Variants in ZFP64 observed in about 807,000 individuals in gnomAD.
The protein encoded by ZFP64 is zinc finger protein 64.
A neutral mutation model predicts 51.6 loss-of-function variants in ZFP64; 14 were observed. That is an observed-to-expected ratio of 0.27 (90% CI 0.18 to 0.42). The LOEUF (loss-of-function observed/expected upper bound fraction) is 0.42, where lower values mean the gene tolerates loss of function less well. Among genes scored for constraint, ZFP64 ranks in the 10% least tolerant of loss-of-function variants. The pLI, the probability that ZFP64 is intolerant of heterozygous loss-of-function variation, is 1.00. For missense variants in ZFP64, 754 were observed against 906.8 expected, an observed-to-expected ratio of 0.83 and a Z score of 2.16; for synonymous variants, 375 against 361.4, an observed-to-expected ratio of 1.04 and a Z score of -0.43.
intron 5 of ZFP64, among the ~76,000 whole-genome samples, chr20:52,118,734 A>G (rs1291967735): frequency 6.6e-6 from 1 of 152,264 alleles, no homozygotes; most frequent in Non-Finnish European, 1.5e-5. Flanking sequence ...GTAAACAGCT[A>G]TAGTACAGTG....
chr20:52,126,434 A>G (rs1194841184), intron 5 of ZFP64, among the ~76,000 whole-genome samples: 1 of 152,166 alleles, frequency 6.6e-6, no homozygotes, highest in Non-Finnish European at 1.5e-5. Context: ...GGGCCTGTTT[A>G]AAACTACAAC....
intron 7 of ZFP64, among the ~76,000 whole-genome samples, chr20:52,093,576 A>C (rs1239531936): frequency 6.6e-6 from 1 of 152,252 alleles, no homozygotes; most frequent in African/African-American, 2.4e-5. Flanking sequence ...TAGGCAATAA[A>C]CCACACTAGT....
At chr20:52,115,814 A>G (rs1044297882) in intron 5 of ZFP64, among the ~76,000 whole-genome samples, 2 of 148,614 alleles carry the variant, frequency 1.3e-5, no homozygotes, top group African/African-American at 2.5e-5. Context: ...TGTGTGTGTG[A>G]ACATTATGCA....
rs761194511 is a variant in ZFP64 at position 52,151,645 on chromosome 20, G to A, written c.*501C>T. The stretch of plus-strand genomic sequence containing the variant: ...GATTCTACAACAGTTATAATGCGAC[G>A]ATTCAGAGGTGGTCTCAAAGTTGTT... On this transcript the variant is annotated 3_prime_UTR_variant, in exon 6 of 6. Coordinates refer to ENST00000216923, the MANE Select transcript of ZFP64 (RefSeq NM_018197.3). 4 of 988,654 alleles carry A rather than the reference G, an allele frequency of 4.0e-6. No homozygotes were observed. Among genetic ancestry groups the A allele is most frequent in the African/African-American group, 1.7e-5 (1 of 57,198 alleles). 61.2% of individuals were successfully genotyped at this position (988,654 alleles called of 1,614,324 possible).
Position 52,160,105 on chromosome 20 carries a change from A to G in ZFP64, c.763+18T>C, listed in dbSNP as rs762738616. On this transcript the variant is annotated intron_variant, in intron 5 of 5. Transcript: ENST00000216923. This position sits in a 1 kb window ranked among gnomAD's most constrained non-coding sequence, Gnocchi z 4.2. ...AGAAAGTGAGGAGCGTAGAGAGCAA[A>G]TAACAGGCAGGACTCACCCGTGTGG... 6.2e-7 allele frequency: 1 copy of G among 1,614,220 alleles called. No homozygotes were observed. The highest frequency in any genetic ancestry group is 8.5e-7 in the Non-Finnish European group (1 of 1,180,046).
chr20:52,188,482 T>C (rs528734166), intron 1 of ZFP64, among the ~76,000 whole-genome samples: 5 of 150,738 alleles, frequency 3.3e-5, no homozygotes, highest in South Asian at 2.1e-4. Context: ...GCTCGACTAA[T>C]TTTTTGTATT....
At chr20:52,084,690 T>G in exon 9 of ZFP64, 1 of 1,614,256 alleles carries the variant, frequency 6.2e-7, no homozygotes. Context: ...CTGATCACTG[T>G]GCTGCTTCTT....
exon 9 of ZFP64, chr20:52,084,234 AG>A (rs1431538252): frequency 6.8e-6 from 2 of 293,582 alleles, no homozygotes; most frequent in African/African-American, 2.2e-5. Flanking sequence ...GAGATGGATC[AG>A]TTTTAAAATT....
downstream of ZFP64, among the ~76,000 whole-genome samples, chr20:52,148,606 C>A (rs1484169536): frequency 6.6e-6 from 1 of 151,656 alleles, no homozygotes; most frequent in Non-Finnish European, 1.5e-5. Context: ...GAGGCTGAGG[C>A]AGGAGAATCA....
At chr20:52,189,854 A>G (rs1405545291) in intron 1 of ZFP64, among the ~76,000 whole-genome samples, 1 of 152,200 alleles carries the variant, frequency 6.6e-6, no homozygotes, top group South Asian at 2.1e-4. Flanking sequence ...ATGGCAATAC[A>G]TTATTCCATG....
Position 52,085,643 on chromosome 20 carries a change from G to A in ZFP64, c.1229-377C>T, listed in dbSNP as rs1294572085. Among the ~76,000 whole-genome samples, 4 of 152,168 alleles carry A rather than the reference G, an allele frequency of 2.6e-5. No individual in the cohort carries two copies. The highest frequency in any genetic ancestry group is 9.7e-5 in the African/African-American group (4 of 41,428). On this transcript the variant is annotated intron_variant, in intron 8 of 8. Coordinates refer to the ZFP64 transcript ENST00000361387. The surrounding 1 kb of genome is among the most constrained non-coding windows in gnomAD (Gnocchi z 4.3). ...CAGAATTGAATGTGGAAGAAGAGGT[G>A]AGATTTAAATTACAAACAACTGCTT...
Position 52,155,605 on chromosome 20 carries a change from G to A in ZFP64, c.764-2177C>T, listed in dbSNP as rs539712521. 1.2e-4 allele frequency among the ~76,000 whole-genome samples: 18 copies of A among 150,790 alleles called. No homozygotes were observed. In the East Asian group the frequency reaches 3.1e-3, roughly 26 times the overall value. ...CAGCTAAGTTGCAGAGCTTAACAAC[G>A]TTTTTTGGCATGAAAGCAAAGGTTT... is the stretch of plus-strand genomic sequence containing the variant. On this transcript the variant is annotated intron_variant, in intron 5 of 5. Coordinates refer to ENST00000216923, the MANE Select transcript of ZFP64 (RefSeq NM_018197.3).
At chr20:52,127,195 C>T (rs751645483) in intron 5 of ZFP64, among the ~76,000 whole-genome samples, 5 of 152,200 alleles carry the variant, frequency 3.3e-5, no homozygotes, top group East Asian at 1.9e-4. Flanking sequence ...CATGATCCGC[C>T]GGCCTCGGCC....
intron 2 of ZFP64, among the ~76,000 whole-genome samples, chr20:52,169,829 G>A (rs1225894065): frequency 1.3e-5 from 2 of 152,138 alleles, no homozygotes; most frequent in African/African-American, 2.4e-5. Context: ...CGAGGCAGGC[G>A]GATCACCCGA....
Position 52,191,445 on chromosome 20 carries a change from G to A in ZFP64, c.46+146C>T, listed in dbSNP as rs1436948690. ...CCGGCGCCCCCTGCACAGCGCGCCC[G>A]CCGCGGTCCCCGAGACGCGGCTCCG... On this transcript the variant is annotated intron_variant, in intron 1 of 5. Transcript: ENST00000216923. This position sits in a 1 kb window ranked among gnomAD's most constrained non-coding sequence, Gnocchi z 4.3. The A allele has an allele frequency of 3.7e-6, 4 of 1,081,924 alleles. No individual in the cohort carries two copies. In the East Asian group the frequency reaches 9.9e-5, roughly 27 times the overall value. 67.0% of individuals were successfully genotyped at this position (1,081,924 alleles called of 1,614,324 possible).
intron 5 of ZFP64, among the ~76,000 whole-genome samples, chr20:52,156,060 G>A (rs554567798): frequency 9.3e-4 from 141 of 152,304 alleles, no homozygotes; most frequent in Admixed American, 2.3e-3. Context: ...GCTATAAATA[G>A]TAACTTCATC....
At chr20:52,096,954 C>T in intron 7 of ZFP64, 1 of 464,834 alleles carries the variant, frequency 2.2e-6, no homozygotes, top group Non-Finnish European at 4.3e-6. Flanking sequence ...CCTGTAACAA[C>T]TACCTCTTGT....
In ZFP64 at chr20:52,191,637, G is replaced by A. The variant is rs752823634; in HGVS notation, c.-1C>T. 6.3e-7 allele frequency: 1 copy of A among 1,588,208 alleles called. No individual in the cohort carries two copies. The highest frequency in any genetic ancestry group is 8.5e-7 in the Non-Finnish European group (1 of 1,170,130). ...TCTCGCCCTCGCTGCTCGCGTTCAT[G>A]GCCGCAGACTGGGAGGTCCCCGGCC... On this transcript the variant is annotated 5_prime_UTR_variant, in exon 1 of 6. Coordinates refer to ENST00000216923, the MANE Select transcript of ZFP64 (RefSeq NM_018197.3). The surrounding 1 kb of genome is among the most constrained non-coding windows in gnomAD (Gnocchi z 4.3).
intron 5 of ZFP64, among the ~76,000 whole-genome samples, chr20:52,103,239 G>A (rs1025852411): frequency 2.0e-5 from 3 of 152,146 alleles, no homozygotes; most frequent in Non-Finnish European, 4.4e-5. Context: ...CAGCCCCTTC[G>A]TCATTTTACT....
Sources: gnomAD v4.1 joint callset for allele counts (sites outside exome capture counted in the v4.1 genomes callset) on GRCh38, gnomAD v4.1.1 for gene constraint, Gnocchi (gnomAD v3.1) non-coding constraint, MANE v1.5 for transcripts, NCBI Gene and HGNC (gene_info 2026-07-23, HGNC 2026-07-21) for gene names.